Variants in ZNF385D observed in about 807,000 individuals in gnomAD.
ZNF385D encodes zinc finger protein 659.
In ZNF385D, 15 loss-of-function variants were observed where a neutral mutation model predicts 35.8. That is an observed-to-expected ratio of 0.42 (90% CI 0.28 to 0.64). The LOEUF is 0.64. ZNF385D is among the 30% of genes least tolerant of loss of function. ZNF385D has a pLI of 0.23. For missense variants in ZNF385D, 474 were observed against 494.6 expected (o/e 0.96, Z 0.39); for synonymous variants, 212 against 186.8 (o/e 1.13, Z -1.10).
intron 3 of ZNF385D, among the ~76,000 whole-genome samples, chr3:22,049,947 G>A (rs2125525970): frequency 6.6e-6 from 1 of 152,166 alleles, no homozygotes; most frequent in South Asian, 2.1e-4. Flanking sequence ...AGGAATAATG[G>A]CCATAGTTTT....
intron 3 of ZNF385D, among the ~76,000 whole-genome samples, chr3:22,126,252 C>G (rs6790252): frequency 0.9 from 135,103 of 149,776 alleles, 61,158 homozygotes; most frequent in African/African-American, 0.98. Context: ...TTGATCCATG[C>G]AATAAATCCC....
chr3:22,004,520 G>A (rs1451190301), intron 3 of ZNF385D, among the ~76,000 whole-genome samples: 1 of 152,200 alleles, frequency 6.6e-6, no homozygotes, highest in African/African-American at 2.4e-5. Context: ...GAAAGTGTTT[G>A]CAAATTATTC....
chr3:22,120,713 C>T (rs1019139303), intron 3 of ZNF385D, among the ~76,000 whole-genome samples: 19 of 152,126 alleles, frequency 1.2e-4, no homozygotes, highest in African/African-American at 3.9e-4. Flanking sequence ...GCTTATAGTG[C>T]TATCACTTAT....
At position 22,190,782 on chromosome 3, in the gene ZNF385D, ATTTT is replaced by A. The variant is rs146267348; in HGVS notation, c.107-21751_107-21748del. Among the ~76,000 whole-genome samples the A allele has an allele frequency of 1.1e-3, 163 of 151,440 alleles. 4 individuals are homozygous for A. The East Asian group carries it at 0.027, about 25-fold the overall frequency. On this transcript the variant is annotated intron_variant, in intron 2 of 5. Transcript: ENST00000494108. ...AAGTTCTGTAACAAAGGTACAGGCT[ATTTT>A]TTTTTCCTCTTTACACTAGATAGAT...
At chr3:21,641,110 G>T (rs1300340284) in intron 2 of ZNF385D, among the ~76,000 whole-genome samples, 1 of 152,080 alleles carries the variant, frequency 6.6e-6, no homozygotes, top group African/African-American at 2.4e-5. Flanking sequence ...GTAAAGGCTG[G>T]AAGTAGAGTT....
At chr3:22,351,781 C>A (rs1237491561) in intron 2 of ZNF385D, among the ~76,000 whole-genome samples, 2 of 152,126 alleles carry the variant, frequency 1.3e-5, no homozygotes, top group African/African-American at 4.8e-5. Flanking sequence ...TCACAAAATT[C>A]ATAATCCAGA....
At chr3:21,902,678 T>C (rs1699469785) in intron 3 of ZNF385D, among the ~76,000 whole-genome samples, 1 of 152,300 alleles carries the variant, frequency 6.6e-6, no homozygotes, top group African/African-American at 2.4e-5. Context: ...TCTAAAACTT[T>C]ATCTTCAAGG....
At position 21,986,589 on chromosome 3, in the gene ZNF385D, C is replaced by T. The variant is rs1164876542; in HGVS notation, c.325+182228G>A. Among the ~76,000 whole-genome samples, 4 of 148,656 alleles carry T rather than the reference C, an allele frequency of 2.7e-5. No individual in the cohort carries two copies. The East Asian group carries it at 5.8e-4, about 22-fold the overall frequency. On this transcript the variant is annotated intron_variant, in intron 3 of 5. Coordinates refer to the ZNF385D transcript ENST00000494108. ...TGCTGTGGAGAGCTTTACTTCCAAC[C>T]ATGTGGTCAATTTTGGAATAGGTGT...
intron 3 of ZNF385D, among the ~76,000 whole-genome samples, chr3:21,804,625 T>A (rs2072553312): frequency 6.6e-6 from 1 of 152,212 alleles, no homozygotes; most frequent in South Asian, 2.1e-4. Context: ...TCCTTCCTTC[T>A]ACTTAAGAGC....
intron 3 of ZNF385D, among the ~76,000 whole-genome samples, chr3:21,864,238 T>C (rs1174350992): frequency 2.0e-5 from 3 of 152,260 alleles, no homozygotes; most frequent in South Asian, 4.1e-4. Context: ...GCATGTGACA[T>C]TTGATCCTTA....
At chr3:21,766,445 G>A (rs1259020523) in intron 3 of ZNF385D, among the ~76,000 whole-genome samples, 1 of 152,056 alleles carries the variant, frequency 6.6e-6, no homozygotes, top group South Asian at 2.1e-4. Context: ...ATTAAAGCAC[G>A]GTCAGAACAC....
chr3:21,974,262 T>A (rs1703454655), intron 3 of ZNF385D, among the ~76,000 whole-genome samples: 1 of 151,892 alleles, frequency 6.6e-6, no homozygotes, highest in African/African-American at 2.4e-5. Flanking sequence ...AACCCAGAAA[T>A]AAATCCATAC....
At chr3:21,717,344 ACT>A (rs2068363728) in intron 1 of ZNF385D, among the ~76,000 whole-genome samples, 1 of 152,080 alleles carries the variant, frequency 6.6e-6, no homozygotes. Flanking sequence ...ATATTCTGAA[ACT>A]CTCTTAAATT....
chr3:22,302,227 C>A (rs932866535), intron 2 of ZNF385D, among the ~76,000 whole-genome samples: 8 of 152,016 alleles, frequency 5.3e-5, no homozygotes, highest in Non-Finnish European at 1.2e-4. Context: ...TTTTCGCTAA[C>A]CACCAGCTAC....
At chr3:21,513,624 G>A (rs927434240) in intron 3 of ZNF385D, among the ~76,000 whole-genome samples, 5 of 152,120 alleles carry the variant, frequency 3.3e-5, no homozygotes, top group African/African-American at 1.2e-4. Context: ...TGGGGTGATG[G>A]TTGCAGACGA....
intron 3 of ZNF385D, among the ~76,000 whole-genome samples, chr3:22,089,676 C>G (rs1267032947): frequency 9.9e-5 from 15 of 152,120 alleles, no homozygotes; most frequent in Admixed American, 9.2e-4. Context: ...GGGGGGATTT[C>G]CAGTTCATGA....
intron 2 of ZNF385D, among the ~76,000 whole-genome samples, chr3:22,274,580 A>C (rs913919791): frequency 1.2e-4 from 18 of 152,006 alleles, no homozygotes; most frequent in African/African-American, 4.3e-4. Context: ...GTCCATTGCA[A>C]TCAAGATGTT....
At chr3:21,819,858 T>C (rs2073327319) in intron 3 of ZNF385D, among the ~76,000 whole-genome samples, 1 of 148,118 alleles carries the variant, frequency 6.8e-6, no homozygotes, top group Non-Finnish European at 1.5e-5. Context: ...TACATAAATA[T>C]ACACATATAT....
rs1703472784 is a variant in ZNF385D at position 21,465,767 on chromosome 3, T to G, written c.440-28564A>C. Among the ~76,000 whole-genome samples the G allele has an allele frequency of 6.6e-6, 1 of 152,196 alleles. No individual in the cohort carries two copies. Among genetic ancestry groups the G allele is most frequent in the African/African-American group, 2.4e-5 (1 of 41,446 alleles). ...TTTATCACCCATTTTATGTTTGTAA[T>G]TAATCATGCAGTAGACGTAAGCCAG... is the stretch of plus-strand genomic sequence containing the variant. On this transcript the variant is annotated intron_variant, in intron 4 of 7. Coordinates refer to ENST00000281523, the MANE Select transcript of ZNF385D (RefSeq NM_024697.3). The surrounding 1 kb of genome is among the most constrained non-coding windows in gnomAD (Gnocchi z 4.2).
Sources: allele counts gnomAD v4.1 joint callset (sites outside exome capture counted in the v4.1 genomes callset), GRCh38; gene constraint gnomAD v4.1.1; non-coding constraint Gnocchi (gnomAD v3.1); transcripts MANE v1.5; gene names NCBI Gene and HGNC (gene_info 2026-07-23, HGNC 2026-07-21).